The following LAMA3 variants were observed in gnomAD, a reference collection of about 807,000 sequenced individuals.
LAMA3 encodes the protein laminin subunit alpha-3.
Under a neutral mutation model 402.0 loss-of-function variants are expected in LAMA3, and 281 were observed. That is an observed-to-expected ratio of 0.70 (90% CI 0.63 to 0.77). The LOEUF is 0.77. LAMA3 is among the 30% of genes least tolerant of loss of function. The pLI is 0.00. For synonymous variants in LAMA3, 1,431 were observed against 1,558.4 expected (o/e 0.92, Z 1.93); for missense variants, 3,840 against 4,215.5 (o/e 0.91, Z 2.47).
chr18:23,745,173 A>ATGTG lies in LAMA3; in HGVS notation c.448-2748_448-2745dup, dbSNP rs55780622. ...GTAACTTCCTTTCAAAGAATCAAAA[A>ATGTG]TGTGTGTGTGTGTGTGTGTGTGTGT... On this transcript the variant is annotated intron_variant, in intron 2 of 74. Coordinates refer to ENST00000313654, the MANE Select transcript of LAMA3 (RefSeq NM_198129.4). 5.2e-3 allele frequency among the ~76,000 whole-genome samples: 776 copies of ATGTG among 149,008 alleles called. 6 individuals are homozygous for ATGTG. The highest frequency in any genetic ancestry group is 0.011 in the East Asian group (57 of 5,088).
At chr18:23,884,088 G>A (rs1568296383) in intron 40 of LAMA3, among the ~76,000 whole-genome samples, 1 of 126,260 alleles carries the variant, frequency 7.9e-6, no homozygotes, top group Non-Finnish European at 1.6e-5. Flanking sequence ...GTGTGTGTGT[G>A]TGTGTGTGTG....
intron 31 of LAMA3, 57 bp downstream of exon 31, chr18:23,846,565 T>C: frequency 6.7e-7 from 1 of 1,488,552 alleles, no homozygotes; most frequent in Non-Finnish European, 9.1e-7. Context: ...GGATGATGCT[T>C]ACCAGGAGCA....
intron 3 of LAMA3, among the ~76,000 whole-genome samples, chr18:23,748,891 G>A (rs1435950296): frequency 6.6e-6 from 1 of 152,120 alleles, no homozygotes; most frequent in Non-Finnish European, 1.5e-5. Flanking sequence ...CTCCTTTTAT[G>A]ATAACAGTTC....
intron 2 of LAMA3, among the ~76,000 whole-genome samples, chr18:23,737,136 C>T (rs2061490129): frequency 1.3e-5 from 2 of 152,082 alleles, no homozygotes. Flanking sequence ...TTAATCCACA[C>T]CTTCTGAGGC....
At chr18:23,813,361 G>A (rs1251352712) in intron 14 of LAMA3, among the ~76,000 whole-genome samples, 2 of 152,018 alleles carry the variant, frequency 1.3e-5, no homozygotes, top group Non-Finnish European at 1.5e-5. Flanking sequence ...AGGTTACTCA[G>A]AGGGTGTTGC....
At chr18:23,939,455 C>A in intron 68 of LAMA3, 69 bp downstream of exon 68, 1 of 1,503,484 alleles carries the variant, frequency 6.7e-7, no homozygotes, top group Non-Finnish European at 9.2e-7. Context: ...TCAGGGAAGT[C>A]TGACTGCCAT....
chr18:23,898,700 A>G (rs541005759), intron 44 of LAMA3, 38 bp from the exon 45 acceptor site: 15 of 1,119,894 alleles, frequency 1.3e-5, no homozygotes, highest in Non-Finnish European at 1.9e-5. Context: ...CTTAGTCTTT[A>G]TACTGTAAAG....
chr18:23,951,370 A>C (rs1195878680), intron 72 of LAMA3, among the ~76,000 whole-genome samples: 2 of 152,154 alleles, frequency 1.3e-5, no homozygotes, highest in Non-Finnish European at 2.9e-5. Context: ...ATTGCTAAGG[A>C]GGATTCCAAT....
intron 55 of LAMA3, among the ~76,000 whole-genome samples, chr18:23,909,496 G>A (rs1479340975): frequency 6.6e-6 from 1 of 152,106 alleles, no homozygotes; most frequent in African/African-American, 2.4e-5. Flanking sequence ...ACATTATCTG[G>A]TATATCAGGA....
intron 2 of LAMA3, among the ~76,000 whole-genome samples, chr18:23,732,815 C>T (rs2061415303): frequency 6.6e-6 from 1 of 152,104 alleles, no homozygotes; most frequent in Admixed American, 6.5e-5. Context: ...AATAATAGTA[C>T]TGACATACTA....
chr18:23,945,958 G>A (rs1319981729), intron 69 of LAMA3, among the ~76,000 whole-genome samples, 186 bp from the exon 70 acceptor site: 1 of 151,860 alleles, frequency 6.6e-6, no homozygotes, highest in African/African-American at 2.4e-5. Context: ...AGTTTGTTCA[G>A]TATTTCACAT....
intron 2 of LAMA3, among the ~76,000 whole-genome samples, chr18:23,741,897 G>A (rs991744420): frequency 3.9e-5 from 6 of 152,104 alleles, no homozygotes; most frequent in Admixed American, 6.5e-5. Flanking sequence ...TGAGGCGGGC[G>A]GATCACTTGA....
chr18:23,912,136 A>G lies in LAMA3; in HGVS notation c.7159-575A>G, dbSNP rs936890901. ...TCTATATAAAAACATATAGATATAT[A>G]TAGTTTTTTTTTTTTGAGACAAAGT... On this transcript the variant is annotated intron_variant, in intron 55 of 74. Coordinates refer to ENST00000313654, the MANE Select transcript of LAMA3 (RefSeq NM_198129.4). 5.3e-5 allele frequency among the ~76,000 whole-genome samples: 5 copies of G among 95,016 alleles called. 1 individual carries two copies. The highest frequency in any genetic ancestry group is 4.3e-4 in the East Asian group (2 of 4,652). 62.3% of individuals were successfully genotyped at this position (95,016 alleles called of 152,430 possible). A position where few individuals can be genotyped will look rare whatever the true frequency, so the allele number is the denominator to read the frequency against.
Position 23,838,816 on chromosome 18 carries a change from A to G in LAMA3, c.3129A>G (p.Ser1043=), listed in dbSNP as rs1373764391. The part of the protein sequence containing the change: ...QVCIIPIEEF[S]AEYVRPQVHC... Reference sequence around the variant, plus strand: ...GTATCATACCTATTGAAGAATTCTCAGCTGAGTATGTGAGACCACAAGTCC... The same window carrying G: ...GTATCATACCTATTGAAGAATTCTCGGCTGAGTATGTGAGACCACAAGTCC... The change falls in exon 26 of 75, where the codon TCA becomes TCG. Residue 1043 remains serine, a synonymous_variant. Transcript: ENST00000313654. The G allele has an allele frequency of 6.2e-7, 1 of 1,612,170 alleles. No individual in the cohort carries two copies. Among genetic ancestry groups the G allele is most frequent in the African/African-American group, 1.3e-5 (1 of 74,972 alleles).
chr18:23,914,058 G>A (rs552108301), intron 56 of LAMA3, among the ~76,000 whole-genome samples: 2 of 152,322 alleles, frequency 1.3e-5, no homozygotes, highest in South Asian at 2.1e-4. Flanking sequence ...AGAGGATGTT[G>A]TGTGGTACTG....
chr18:23,775,715 C>T (rs895840310), intron 9 of LAMA3, 77 bp from the exon 10 acceptor site: 5 of 1,534,140 alleles, frequency 3.3e-6, no homozygotes, highest in Non-Finnish European at 3.6e-6. Flanking sequence ...GGAACGTTGC[C>T]TGGGAAGTGT....
At chr18:23,776,174 AAACATTG>A (rs2062314791) in intron 10 of LAMA3, among the ~76,000 whole-genome samples, 1 of 152,216 alleles carries the variant, frequency 6.6e-6, no homozygotes, top group South Asian at 2.1e-4. Context: ...TCAAAAAGTC[AAACATTG>A]GCAATTTTAA....
In LAMA3 at chr18:23,699,519, C is replaced by T. The variant is rs577341907; in HGVS notation, c.294+9542C>T. ...CGTCAGGTTGGGGTCAGACTATCTCCTTGAGGAAGGTGTCTGGTTCTCATA... is the reference window on the plus strand; with the variant it reads ...CGTCAGGTTGGGGTCAGACTATCTCTTTGAGGAAGGTGTCTGGTTCTCATA... On this transcript the variant is annotated intron_variant, in intron 1 of 74. Transcript: ENST00000313654. 5.3e-5 allele frequency among the ~76,000 whole-genome samples: 8 copies of T among 152,262 alleles called. No individual in the cohort carries two copies. The East Asian group carries it at 1.5e-3, about 29-fold the overall frequency.
chr18:23,801,869 C>T (rs1433524676), intron 12 of LAMA3, among the ~76,000 whole-genome samples: 2 of 152,064 alleles, frequency 1.3e-5, no homozygotes, highest in Admixed American at 6.6e-5. Flanking sequence ...ATATCCTTTG[C>T]CCACTTTTAA....
Sources: gnomAD v4.1 joint callset for allele counts (sites outside exome capture counted in the v4.1 genomes callset) on GRCh38, gnomAD v4.1.1 for gene constraint, MANE v1.5 for transcripts, NCBI Gene and HGNC (gene_info 2026-07-23, HGNC 2026-07-21) for gene names.